Variants in ALPK3 observed in about 807,000 individuals in gnomAD.
ALPK3 encodes the protein alpha kinase 3, also known as alpha-protein kinase 3.
In ALPK3, 102 loss-of-function variants were observed where a neutral mutation model predicts 140.0. That is an observed-to-expected ratio of 0.73 (90% CI 0.62 to 0.86). The LOEUF is 0.86. Among genes scored for constraint, ALPK3 ranks in the 40% least tolerant of loss-of-function variants. The probability of loss-of-function intolerance (pLI) is 0.00; values close to 1 mark genes in which losing one functional copy is unlikely to be tolerated. For synonymous variants in ALPK3, 938 were observed against 898.5 expected (o/e 1.04, Z -0.79); for missense variants, 2,254 against 2,208.2 (o/e 1.02, Z -0.42).
At chr15:84,849,261 G>T (rs1012789102) in intron 5 of ALPK3, among the ~76,000 whole-genome samples, 1 of 152,082 alleles carries the variant, frequency 6.6e-6, no homozygotes, top group Admixed American at 6.5e-5. Flanking sequence ...CAAAATACAT[G>T]AAGCAAAACC....
In ALPK3 at chr15:84,869,203, A is replaced by G. The variant is rs1964039807; in HGVS notation, c.*747A>G. ...CTGCCTGCCCTTCATGGCTCTGCACATGGCCCTTTGCTTGAGGGCTCCCCA... is the reference window on the plus strand; with the variant it reads ...CTGCCTGCCCTTCATGGCTCTGCACGTGGCCCTTTGCTTGAGGGCTCCCCA... On this transcript the variant is annotated 3_prime_UTR_variant, in exon 14 of 14. Coordinates refer to ENST00000258888, the MANE Select transcript of ALPK3 (RefSeq NM_020778.5). 6.5e-6 allele frequency: 1 copy of G among 152,756 alleles called. No individual in the cohort carries two copies. Among genetic ancestry groups the G allele is most frequent in the African/African-American group, 2.4e-5 (1 of 41,428 alleles). 9.5% of individuals were successfully genotyped at this position (152,756 alleles called of 1,614,324 possible).
At chr15:84,839,573 C>T in intron 4 of ALPK3, 129 bp from the exon 5 acceptor site, 3 of 1,007,216 alleles carry the variant, frequency 3.0e-6, no homozygotes, top group South Asian at 1.6e-5. Context: ...TGAGATGGGG[C>T]GTAGCACACG....
chr15:84,827,558 G>A lies in ALPK3; in HGVS notation c.257G>A (p.Arg86Gln), dbSNP rs140420563. 25 of 1,614,032 alleles carry A rather than the reference G, an allele frequency of 1.5e-5. No individual in the cohort carries two copies. Among genetic ancestry groups the A allele is most frequent in the Admixed American group, 5.0e-5 (3 of 60,006 alleles). Residue 86 changes from arginine to glutamine, a missense_variant, in exon 3 of 14, where the codon CGG (arginine) becomes CAG (glutamine). By Grantham distance (43) the Arg-to-Gln change is conservative. Coordinates refer to ENST00000258888, the MANE Select transcript of ALPK3 (RefSeq NM_020778.5). ...QPLFETTLKS[R>Q]SVSEDSDVRF... is the part of the protein sequence containing the mutation. ...CTATTTGAGACCACGCTCAAGTCCC[G>A]GTCTGTGTCCGAGGACAGCGACGTC...
intron 3 of ALPK3, among the ~76,000 whole-genome samples, chr15:84,832,553 C>T (rs1203441900): frequency 2.0e-5 from 3 of 152,160 alleles, no homozygotes; most frequent in African/African-American, 7.2e-5. Flanking sequence ...GAGGTCATCT[C>T]CAGTGTTTCC....
At position 84,872,580 on chromosome 15, in the gene ALPK3, CAT is replaced by C. The variant is rs1964086206; in HGVS notation, c.*4126_*4127del. The C allele has an allele frequency of 1.3e-5, 2 of 152,264 alleles. No individual in the cohort carries two copies. The highest frequency in any genetic ancestry group is 2.9e-5 in the Non-Finnish European group (2 of 68,054). 9.4% of individuals were successfully genotyped at this position (152,264 alleles called of 1,614,324 possible). On this transcript the variant is annotated 3_prime_UTR_variant, in exon 14 of 14. Coordinates refer to ENST00000258888, the MANE Select transcript of ALPK3 (RefSeq NM_020778.5). ...TAGGCCTTAGTGGCGAGGGATTCGA[CAT>C]ACAGTCATTTGTCCTACATTGTGAA...
At chr15:84,858,840 C>T (rs938084257) in intron 6 of ALPK3, among the ~76,000 whole-genome samples, 2 of 152,184 alleles carry the variant, frequency 1.3e-5, no homozygotes, top group African/African-American at 2.4e-5. Context: ...GCTTTAGTAG[C>T]GTTCTAGCTC....
At chr15:84,842,455 T>C (rs1963677841) in intron 5 of ALPK3, among the ~76,000 whole-genome samples, 1 of 152,136 alleles carries the variant, frequency 6.6e-6, no homozygotes, top group Admixed American at 6.5e-5. Context: ...AATGGCTTCA[T>C]GGGGGAACAG....
intron 2 of ALPK3, among the ~76,000 whole-genome samples, chr15:84,824,788 T>C (rs981112655): frequency 6.6e-6 from 1 of 152,166 alleles, no homozygotes; most frequent in Non-Finnish European, 1.5e-5. Context: ...AGTCATGGAG[T>C]TGGAAGGACT....
intron 3 of ALPK3, among the ~76,000 whole-genome samples, chr15:84,831,173 G>A (rs564776667): frequency 6.6e-6 from 1 of 152,106 alleles, no homozygotes; most frequent in Non-Finnish European, 1.5e-5. Flanking sequence ...CTAATTCCTT[G>A]CATGTGACCA....
intron 3 of ALPK3, among the ~76,000 whole-genome samples, chr15:84,831,045 G>A (rs1596147293): frequency 2.6e-5 from 4 of 152,022 alleles, no homozygotes; most frequent in South Asian, 2.1e-4. Context: ...TTTTTCTTGC[G>A]AATTTGGCTG....
At chr15:84,861,709 C>G (rs1028047161) in intron 9 of ALPK3, among the ~76,000 whole-genome samples, 1 of 152,072 alleles carries the variant, frequency 6.6e-6, no homozygotes, top group Admixed American at 6.6e-5. Flanking sequence ...TATCCCAATA[C>G]GTTAAGTTCC....
intron 1 of ALPK3, among the ~76,000 whole-genome samples, chr15:84,818,017 G>T (rs1217356903): frequency 1.3e-5 from 2 of 152,176 alleles, no homozygotes; most frequent in African/African-American, 4.8e-5. Flanking sequence ...GGTGCTGGGG[G>T]GCTGCCCAGA....
chr15:84,836,638 C>T (rs1457469173), intron 3 of ALPK3, among the ~76,000 whole-genome samples: 4 of 152,286 alleles, frequency 2.6e-5, no homozygotes, highest in Non-Finnish European at 2.9e-5. Context: ...GCTTGGAGGG[C>T]GGACTAAGGA....
In ALPK3 at chr15:84,857,375, A is replaced by G. The variant is rs1350571336; in HGVS notation, c.2637A>G (p.Pro879=). The change falls in exon 6 of 14, where the codon CCA becomes CCG. Residue 879 remains proline (P), a synonymous_variant. Coordinates refer to ENST00000258888, the MANE Select transcript of ALPK3 (RefSeq NM_020778.5). ...SLPGTGLTAS[P]KAGPCSTPTS... Reference sequence around the variant, plus strand: ...CTGGAACTGGGCTGACAGCTAGCCCAAAGGCGGGGCCGTGTAGCACCCCGA... The same window carrying G: ...CTGGAACTGGGCTGACAGCTAGCCCGAAGGCGGGGCCGTGTAGCACCCCGA... 1.9e-6 allele frequency: 3 copies of G among 1,613,990 alleles called. No homozygotes were observed. The highest frequency in any genetic ancestry group is 1.3e-5 in the African/African-American group (1 of 74,936).
Position 84,840,820 on chromosome 15 carries a change from G to A in ALPK3, c.1541G>A (p.Gly514Glu), listed in dbSNP as rs2141557380. Reference sequence around the variant, plus strand: ...CCAGAATGCGGGGCCCAGAGCTTAGGAAAGGCCCCACCTCAGGCCTCTGTG... The same window carrying A: ...CCAGAATGCGGGGCCCAGAGCTTAGAAAAGGCCCCACCTCAGGCCTCTGTG... ...QAPECGAQSL[G>E]KAPPQASVQV... is the part of the protein sequence containing the mutation. Residue 514 changes from glycine (G) to glutamate (E), a missense_variant, in exon 5 of 14, where the codon GGA (glycine) becomes GAA (glutamate). Physicochemically the swap from Gly to Glu is moderately conservative, Grantham distance 98. This residue lies in a region of ALPK3 where 2,088 missense variants were observed against 2,022.9 expected (regional missense o/e 1.03). Coordinates refer to ENST00000258888, the MANE Select transcript of ALPK3 (RefSeq NM_020778.5). 1.9e-6 allele frequency: 3 copies of A among 1,614,230 alleles called. No individual in the cohort carries two copies. Among genetic ancestry groups the A allele is most frequent in the Non-Finnish European group, 8.5e-7 (1 of 1,180,026 alleles).
At chr15:84,867,176 A>G in intron 12 of ALPK3, 141 bp from the exon 13 acceptor site, 1 of 533,538 alleles carries the variant, frequency 1.9e-6, no homozygotes, top group Middle Eastern at 5.5e-4. Flanking sequence ...AGTTGATGCC[A>G]GCCTGGGCTG....
intron 5 of ALPK3, among the ~76,000 whole-genome samples, chr15:84,846,073 TAAAAC>T (rs1963727778): frequency 6.6e-6 from 1 of 151,490 alleles, no homozygotes; most frequent in Admixed American, 6.6e-5. Flanking sequence ...GTCTCAAAAA[TAAAAC>T]AACAACAATA....
chr15:84,871,017 A>AT lies in ALPK3; in HGVS notation c.*2563dup, dbSNP rs1378827985. ...CTTCTATTCTCCAAAGTCCAGTGTC[A>AT]TTAGGGATAATCTCCCTCTTTCAGT... is the stretch of plus-strand genomic sequence containing the variant. On this transcript the variant is annotated 3_prime_UTR_variant, in exon 14 of 14. Transcript: ENST00000258888. 1.3e-5 allele frequency: 2 copies of AT among 152,628 alleles called. No individual in the cohort carries two copies. Among genetic ancestry groups the AT allele is most frequent in the African/African-American group, 4.8e-5 (2 of 41,456 alleles). The allele number at this position is 152,628 out of a possible 1,614,324, so 9.5% of individuals were successfully genotyped here.
rs1963896736 is a variant in ALPK3 at position 84,858,391 on chromosome 15, G to A, written c.3653G>A (p.Gly1218Asp). The change falls in exon 6 of 14, where the codon GGC becomes GAC. Residue 1218 changes from glycine (G) to aspartate (D), a missense_variant. Gly to Asp is a moderately conservative substitution (Grantham distance 94, BLOSUM62 -1). Around this residue, in one of 3 missense-constraint regions of ALPK3, gnomAD observed 2,088 missense variants for 2,022.9 expected, o/e 1.03. Coordinates refer to ENST00000258888, the MANE Select transcript of ALPK3 (RefSeq NM_020778.5). Reference sequence around the variant, plus strand: ...CGGGAGAGACGCTCCCCTACGCAGGGCAGAAAGGCGAGCATGCTGGAGGTG... The same window carrying A: ...CGGGAGAGACGCTCCCCTACGCAGGACAGAAAGGCGAGCATGCTGGAGGTG... ...PGRERRSPTQ[G>D]RKASMLEVPR... The A allele has an allele frequency of 6.4e-7, 1 of 1,554,458 alleles. No individual in the cohort carries two copies.
Sources: allele counts gnomAD v4.1 joint callset (sites outside exome capture counted in the v4.1 genomes callset), GRCh38; gene constraint gnomAD v4.1.1; regional missense constraint gnomAD v4.1.1; transcripts MANE v1.5; gene names NCBI Gene and HGNC (gene_info 2026-07-23, HGNC 2026-07-21).